The following TSNAXIP1 variants were observed in gnomAD, a reference collection of about 807,000 sequenced individuals.
TSNAXIP1 encodes translin associated factor X interacting protein 1.
In TSNAXIP1, 89 loss-of-function variants were observed where a neutral mutation model predicts 84.8. The observed-to-expected ratio is 1.05, with a 90% CI of 0.88 to 1.25. TSNAXIP1 has a LOEUF of 1.25. TSNAXIP1 is among the 50% of genes most tolerant of loss of function. TSNAXIP1 has a pLI of 0.00. For synonymous variants in TSNAXIP1, 347 were observed against 335.2 expected, an observed-to-expected ratio of 1.04 and a Z score of -0.39; for missense variants, 874 against 887.6, an observed-to-expected ratio of 0.98 and a Z score of 0.20.
At chr16:67,825,111 T>G (rs1437940187) in intron 6 of TSNAXIP1, 26 bp from the exon 7 acceptor site, 1 of 1,611,260 alleles carries the variant, frequency 6.2e-7, no homozygotes, top group Admixed American at 1.7e-5. Flanking sequence ...GGGCAGCCCC[T>G]GACCACACAG....
chr16:67,826,483 T>A lies in TSNAXIP1; in HGVS notation c.1322T>A (p.Val441Glu). Residue 441 changes from valine (V) to glutamate (E), a missense_variant, in exon 11 of 16, where the codon GTG (valine) becomes GAG (glutamate). Transcript: ENST00000561639. ...GCTTTTCTTCGGTTTGATGGCCTCG[T>A]GGAGAACAAGAAGCCAAGCAAGAAG... ...IPAFLRFDGL[V>E]ENKKPSKKDV... is the part of the protein sequence containing the mutation. 1 of 1,614,050 alleles carries A rather than the reference T, an allele frequency of 6.2e-7. No individual in the cohort carries two copies. The highest frequency in any genetic ancestry group is 8.5e-7 in the Non-Finnish European group (1 of 1,180,002).
chr16:67,807,187 C>A lies in TSNAXIP1; in HGVS notation c.38C>A (p.Ser13Tyr). ...CAGTCGCGGTACCACAGCTTCTCGT[C>A]CGCGTCGAGGTAGGCGCTGGCAGGG... ...CQQSRYHSFS[S>Y]ASRLQPRPSG... Residue 13 changes from serine (S) to tyrosine (Y), a missense_variant, in exon 1 of 16, where the codon TCC becomes TAC. Transcript: ENST00000561639. 1 of 1,536,020 alleles carries A rather than the reference C, an allele frequency of 6.5e-7. No homozygotes were observed. Among genetic ancestry groups the A allele is most frequent in the Non-Finnish European group, 8.7e-7 (1 of 1,146,888 alleles).
intron 1 of TSNAXIP1, among the ~76,000 whole-genome samples, chr16:67,808,285 G>C (rs1347926274): frequency 6.6e-6 from 1 of 151,722 alleles, no homozygotes; most frequent in East Asian, 1.9e-4. Flanking sequence ...GCCTACAAAA[G>C]CCCCTAAGAG....
chr16:67,812,543 G>A (rs183022062), intron 1 of TSNAXIP1, among the ~76,000 whole-genome samples: 20 of 151,806 alleles, frequency 1.3e-4, no homozygotes, highest in African/African-American at 4.8e-4. Context: ...GCGTGCACCT[G>A]TAGTCCCAGC....
chr16:67,824,531 G>A, intron 5 of TSNAXIP1, 52 bp from the exon 6 acceptor site: 1 of 1,578,306 alleles, frequency 6.3e-7, no homozygotes, highest in Non-Finnish European at 8.6e-7. Flanking sequence ...GTGTCTTCTG[G>A]CTGTTTGTTC....
rs779811584 is a variant in TSNAXIP1 at position 67,826,979 on chromosome 16, A to C, written c.1571A>C (p.Tyr524Ser). 3 of 1,614,032 alleles carry C rather than the reference A, an allele frequency of 1.9e-6. No individual in the cohort carries two copies. The African/African-American group carries it at 4.0e-5, about 22-fold the overall frequency. The stretch of plus-strand genomic sequence containing the variant: ...TCCTTATAGCGGAGTGAGAATGTGT[A>C]TGTCACCCAGAAGGAGACAGTAGCC... ...VLMGKRSENV[Y>S]VTQKETVAQL... Residue 524 changes from tyrosine to serine, a missense_variant, in exon 13 of 16, where the codon TAT (tyrosine) becomes TCT (serine). Physicochemically the swap from Tyr to Ser is moderately radical, Grantham distance 144. Coordinates refer to ENST00000561639, the MANE Select transcript of TSNAXIP1 (RefSeq NM_001288990.3).
chr16:67,827,279 G>C lies in TSNAXIP1; in HGVS notation c.1695G>C (p.Lys565Asn), dbSNP rs745331208. 1.4e-5 allele frequency: 22 copies of C among 1,614,090 alleles called. No homozygotes were observed. Among genetic ancestry groups the C allele is most frequent in the Non-Finnish European group, 1.2e-5 (14 of 1,180,052 alleles). Residue 565 changes from lysine to asparagine, a missense_variant, in exon 14 of 16, where the codon AAG becomes AAC. Transcript: ENST00000561639. ...TCCTCAAGAGTACCTTCCCTCTCAA[G>C]ACAGAAGAGCAAATCCAGGAGCTGA... Reference protein sequence around the residue: ...NTVLKSTFPLKTEEQIQELME... With the variant: ...NTVLKSTFPLNTEEQIQELME...
Position 67,826,194 on chromosome 16 carries a change from A to AG in TSNAXIP1, c.1190dup (p.Lys398GlnfsTer41). ...CCAGAGCGCTGGCAGATGCTGGCTG[A>AG]GGGCAAGAACAGCGACCAGCTGGTG... On this transcript the variant is annotated frameshift_variant, in exon 10 of 16. Transcript: ENST00000561639. LOFTEE classifies it high-confidence loss of function. 6.2e-7 allele frequency: 1 copy of AG among 1,611,976 alleles called. No homozygotes were observed. Among genetic ancestry groups the AG allele is most frequent in the Non-Finnish European group, 8.5e-7 (1 of 1,178,580 alleles).
intron 1 of TSNAXIP1, among the ~76,000 whole-genome samples, chr16:67,813,797 T>C (rs971072154): frequency 1.6e-5 from 2 of 125,886 alleles, no homozygotes; most frequent in Admixed American, 8.2e-5. Context: ...GGCTGAGAAA[T>C]ATTAAATGAC....
intron 1 of TSNAXIP1, among the ~76,000 whole-genome samples, chr16:67,811,677 C>T (rs550031337): frequency 1.6e-4 from 25 of 152,044 alleles, no homozygotes; most frequent in African/African-American, 5.5e-4. Flanking sequence ...CTCCTGACCT[C>T]GTGATTTGCC....
At position 67,827,551 on chromosome 16, in the gene TSNAXIP1, C is replaced by T. The variant is rs765980647; in HGVS notation, c.1870C>T (p.Gln624Ter). ...GGATGAGAAGGACGAGTACTTACAG[C>T]AGCTAAAGCAGGAGCTTGGCATAGA... is the stretch of plus-strand genomic sequence containing the variant. ...YMDEKDEYLQ[Q>*]LKQELGIELH... The change falls in exon 15 of 16, where the codon CAG becomes TAG. Residue 624 changes from glutamine (Q) to a stop codon, truncating the protein, a stop_gained. Transcript: ENST00000561639. LOFTEE classifies it low-confidence loss of function (END_TRUNC). The T allele has an allele frequency of 6.2e-6, 10 of 1,613,726 alleles. No homozygotes were observed. The highest frequency in any genetic ancestry group is 7.6e-6 in the Non-Finnish European group (9 of 1,179,684).
intron 2 of TSNAXIP1, among the ~76,000 whole-genome samples, chr16:67,816,034 TCTCGGCTCACTGCAAG>T (rs1201741345): frequency 2.8e-5 from 4 of 144,540 alleles, no homozygotes; most frequent in Non-Finnish European, 4.5e-5. Context: ...AGTGACGCAA[TCTCGGCTCACTGCAAG>T]CTCCACCTCC....
intron 3 of TSNAXIP1, 43 bp from the exon 4 acceptor site, chr16:67,821,056 C>T: frequency 6.2e-7 from 1 of 1,611,602 alleles, no homozygotes. Context: ...GCACAAGGGC[C>T]CCGTGGGGGT....
rs1253588626 is a variant in TSNAXIP1, at chr16:67,807,018, G to C, written c.-132G>C. ...CTCCCAGCCCGCGGGCGCTAGGCTC[G>C]GGGGCGTGGCGCATCCCTGACTCCG... is the stretch of plus-strand genomic sequence containing the variant. On this transcript the variant is annotated 5_prime_UTR_variant, in exon 1 of 16. Transcript: ENST00000561639. 1.4e-6 allele frequency: 2 copies of C among 1,412,510 alleles called. No homozygotes were observed. The highest frequency in any genetic ancestry group is 2.9e-5 in the African/African-American group (2 of 69,060). 87.5% of individuals were successfully genotyped at this position (1,412,510 alleles called of 1,614,324 possible).
chr16:67,824,015 T>A (rs1230842155), intron 5 of TSNAXIP1, among the ~76,000 whole-genome samples: 4 of 43,942 alleles, frequency 9.1e-5, no homozygotes, highest in Admixed American at 3.4e-4. Context: ...CAAGACTCCA[T>A]CGCAAAAAAA....
chr16:67,825,745 A>G lies in TSNAXIP1; in HGVS notation c.893A>G (p.Glu298Gly). ...CAAGACCTGACCCGCACGCAGATGG[A>G]ACTCAACAACATGAAGGCCAACTTT... Reference protein sequence around the residue: ...TRQDLTRTQMELNNMKANFGD... With the variant: ...TRQDLTRTQMGLNNMKANFGD... Residue 298 changes from glutamate to glycine, a missense_variant, in exon 8 of 16, where the codon GAA becomes GGA. Transcript: ENST00000561639. 1 of 1,614,164 alleles carries G rather than the reference A, an allele frequency of 6.2e-7. No individual in the cohort carries two copies. The highest frequency in any genetic ancestry group is 8.5e-7 in the Non-Finnish European group (1 of 1,180,032).
At chr16:67,827,606 T>C (rs1377814418) in intron 15 of TSNAXIP1, 27 bp downstream of exon 15, 1 of 1,613,026 alleles carries the variant, frequency 6.2e-7, no homozygotes, top group Non-Finnish European at 8.5e-7. Context: ...CATAGGCGAG[T>C]CCCACAGGCT....
chr16:67,815,455 C>T (rs1201544625), intron 2 of TSNAXIP1, among the ~76,000 whole-genome samples: 1 of 151,894 alleles, frequency 6.6e-6, no homozygotes, highest in African/African-American at 2.4e-5. Flanking sequence ...CCCACCTCAC[C>T]CTCCCAAGTA....
At chr16:67,822,559 A>T (rs972931473) in intron 4 of TSNAXIP1, among the ~76,000 whole-genome samples, 1 of 144,274 alleles carries the variant, frequency 6.9e-6, no homozygotes, top group African/African-American at 2.7e-5. Flanking sequence ...ATAAGGAGGG[A>T]GGGAGGAAGA....
Sources: gnomAD v4.1 joint callset for allele counts (sites outside exome capture counted in the v4.1 genomes callset) on GRCh38, gnomAD v4.1.1 for gene constraint, MANE v1.5 for transcripts, NCBI Gene and HGNC (gene_info 2026-07-23, HGNC 2026-07-21) for gene names.